The following MAEA variants were observed in gnomAD, a reference collection of about 807,000 sequenced individuals.
The protein encoded by MAEA is E3 ubiquitin-protein transferase MAEA.
In MAEA, 22 loss-of-function variants were observed where a neutral mutation model predicts 46.2. That is an observed-to-expected ratio of 0.48 (90% CI 0.34 to 0.68). MAEA has a LOEUF of 0.68. Among genes scored for constraint, MAEA ranks in the 30% least tolerant of loss-of-function variants. The probability of loss-of-function intolerance (pLI) is 0.01; values close to 1 mark genes in which losing one functional copy is unlikely to be tolerated. For missense variants in MAEA, 393 were observed against 558.1 expected (o/e 0.70, Z 2.98); for synonymous variants, 246 against 222.6 (o/e 1.11, Z -0.94).
intron 5 of MAEA, chr4:1,329,679 C>G: frequency 2.0e-6 from 2 of 985,596 alleles, no homozygotes; most frequent in Non-Finnish European, 2.4e-6. Flanking sequence ...GAGCCACCCA[C>G]AAGGCACACG....
chr4:1,334,007 C>CAT (rs529114969), intron 6 of MAEA, among the ~76,000 whole-genome samples: 1 of 39,130 alleles, frequency 2.6e-5, no homozygotes. Context: ...CCATGCCTAC[C>CAT]GTGCTCACCC....
At chr4:1,300,239 G>C (rs1022936241) in intron 1 of MAEA, among the ~76,000 whole-genome samples, 10 of 152,234 alleles carry the variant, frequency 6.6e-5, no homozygotes, top group Non-Finnish European at 1.2e-4. Context: ...CCCGAAGGAA[G>C]ATTGGCACTA....
Position 1,336,874 on chromosome 4 carries a change from C to T in MAEA, c.779C>T (p.Pro260Leu), listed in dbSNP as rs1712836452. The T allele has an allele frequency of 6.2e-7, 1 of 1,613,796 alleles. No individual in the cohort carries two copies. Among genetic ancestry groups the T allele is most frequent in the Admixed American group, 1.7e-5 (1 of 59,992 alleles). The change falls in exon 7 of 9, where the codon CCT becomes CTT. Residue 260 changes from proline to leucine, a missense_variant. Around this residue, in one of 2 missense-constraint regions of MAEA, gnomAD observed 358 missense variants for 537.9 expected, o/e 0.67. Coordinates refer to ENST00000303400, the MANE Select transcript of MAEA (RefSeq NM_001017405.3). ...TCTGTCTTCCAGGACCTTCTGGACC[C>T]TGCACGGTGGCGGATGCTGATCCAG... ...HISPYKDLLD[P>L]ARWRMLIQQF...
At chr4:1,296,648 C>T (rs1456630995) in intron 1 of MAEA, among the ~76,000 whole-genome samples, 1 of 151,608 alleles carries the variant, frequency 6.6e-6, no homozygotes, top group African/African-American at 2.4e-5. Context: ...TCCTTGCCCC[C>T]GTCCTCCTCC....
In MAEA at chr4:1,302,722, C is replaced by T. The variant is rs577301830; in HGVS notation, c.70-9257C>T. Among the ~76,000 whole-genome samples the T allele has an allele frequency of 5.9e-5, 9 of 152,274 alleles. No homozygotes were observed. In the South Asian group the frequency reaches 1.0e-3, roughly 18 times the overall value. ...GTCTCGATCTCCTGACCTCGTGATC[C>T]GCCCGCCTCAGCCTCCCAAAGTGCT... is the stretch of plus-strand genomic sequence containing the variant. On this transcript the variant is annotated intron_variant, in intron 1 of 8. Transcript: ENST00000303400.
Position 1,339,091 on chromosome 4 carries a change from T to A in MAEA, c.1113T>A (p.Arg371=), listed in dbSNP as rs773214104. 1 of 1,613,878 alleles carries A rather than the reference T, an allele frequency of 6.2e-7. No homozygotes were observed. Among genetic ancestry groups the A allele is most frequent in the African/African-American group, 1.3e-5 (1 of 75,032 alleles). The change falls in exon 9 of 9, where the codon CGT becomes CGA. Residue 371 remains arginine, a synonymous_variant. Coordinates refer to ENST00000303400, the MANE Select transcript of MAEA (RefSeq NM_001017405.3). ...TTTTTCAGTCTCTGCTTTCTATCCG[T>A]CAAGATGATAAAGTCGTGTGCCCGA... The part of the protein sequence containing the change: ...VYGYNSLLSI[R]QDDKVVCPRT...
In MAEA at chr4:1,311,457, A is replaced by G. The variant is rs2108905988; in HGVS notation, c.70-522A>G. Among the ~76,000 whole-genome samples, 1 of 152,340 alleles carries G rather than the reference A, an allele frequency of 6.6e-6. No homozygotes were observed. Among genetic ancestry groups the G allele is most frequent in the East Asian group, 1.9e-4 (1 of 5,176 alleles). On this transcript the variant is annotated intron_variant, in intron 1 of 8. Transcript: ENST00000303400. This position sits in a 1 kb window ranked among gnomAD's most constrained non-coding sequence, Gnocchi z 4.4. ...CTGGGGAAGGCAAACGCTGTCACAC[A>G]GGAGAGGTGTGGGTCGTGCACTTGT...
At chr4:1,339,002 G>T in intron 8 of MAEA, 72 bp from the exon 9 acceptor site, 1 of 1,239,628 alleles carries the variant, frequency 8.1e-7, no homozygotes, top group Non-Finnish European at 1.2e-6. Context: ...GTTCATTGTG[G>T]GGATTTTCCA....
intron 4 of MAEA, among the ~76,000 whole-genome samples, chr4:1,326,690 C>T (rs1417869590): frequency 6.6e-6 from 1 of 151,764 alleles, no homozygotes; most frequent in African/African-American, 2.4e-5. Flanking sequence ...TCTCCGTCTT[C>T]TACACATCCT....
At position 1,339,216 on chromosome 4, in the gene MAEA, G is replaced by A. The variant is rs1243375438; in HGVS notation, c.*47G>A. The A allele has an allele frequency of 3.0e-5, 44 of 1,445,508 alleles. No homozygotes were observed. Among genetic ancestry groups the A allele is most frequent in the Middle Eastern group, 1.7e-4 (1 of 5,752 alleles). 89.5% of individuals were successfully genotyped at this position (1,445,508 alleles called of 1,614,324 possible). A position where few individuals can be genotyped will look rare whatever the true frequency, so the allele number is the denominator to read the frequency against. ...GCCTCGGGGACGGGCTGCAGTGGGC[G>A]GGGAGGCCACGCCTTCCTCCTGTCC... On this transcript the variant is annotated 3_prime_UTR_variant, in exon 9 of 9. Transcript: ENST00000303400.
chr4:1,307,341 A>T (rs763652136), intron 1 of MAEA, among the ~76,000 whole-genome samples: 3 of 152,136 alleles, frequency 2.0e-5, no homozygotes, highest in Admixed American at 1.3e-4. Flanking sequence ...AGCCCCTGGG[A>T]TCCACCATTC....
rs760843303 is a variant in MAEA, at chr4:1,339,498, T to C, written c.*329T>C. ...ACGTTTAAAATATAGGAGTCCGTGATTTCCCTGTGTTTTCAGTTTCTTTCC... is the reference window on the plus strand; with the variant it reads ...ACGTTTAAAATATAGGAGTCCGTGACTTCCCTGTGTTTTCAGTTTCTTTCC... On this transcript the variant is annotated 3_prime_UTR_variant, in exon 9 of 9. Coordinates refer to ENST00000303400, the MANE Select transcript of MAEA (RefSeq NM_001017405.3). 9.6e-6 allele frequency: 3 copies of C among 313,998 alleles called. No individual in the cohort carries two copies. Among genetic ancestry groups the C allele is most frequent in the Non-Finnish European group, 1.2e-5 (2 of 166,902 alleles). 19.5% of individuals were successfully genotyped at this position (313,998 alleles called of 1,614,324 possible).
In MAEA at chr4:1,339,100, T is replaced by C. The variant is rs1713195944; in HGVS notation, c.1122T>C (p.Asp374=). ...CTCTGCTTTCTATCCGTCAAGATGA[T>C]AAAGTCGTGTGCCCGAGAACCAAAG... ...YNSLLSIRQD[D]KVVCPRTKEV... Residue 374 remains aspartate (D), a synonymous_variant, in exon 9 of 9, where the codon GAT becomes GAC. Transcript: ENST00000303400. 1 of 1,613,864 alleles carries C rather than the reference T, an allele frequency of 6.2e-7. No individual in the cohort carries two copies. Among genetic ancestry groups the C allele is most frequent in the South Asian group, 1.1e-5 (1 of 91,092 alleles).
At chr4:1,327,833 C>A (rs1739047002) in intron 5 of MAEA, 130 bp downstream of exon 5, 2 of 688,930 alleles carry the variant, frequency 2.9e-6, no homozygotes, top group Non-Finnish European at 2.5e-6. Context: ...TGAGTCTGAC[C>A]CCTGCCTGCT....
chr4:1,319,724 A>T (rs1413361770), intron 3 of MAEA, among the ~76,000 whole-genome samples: 1 of 49,962 alleles, frequency 2.0e-5, no homozygotes, highest in Admixed American at 2.4e-4. Flanking sequence ...TGGACAAGAG[A>T]GCGAGACCCT....
intron 1 of MAEA, among the ~76,000 whole-genome samples, chr4:1,303,882 G>A (rs916360493): frequency 1.4e-5 from 2 of 141,290 alleles, no homozygotes; most frequent in African/African-American, 5.8e-5. Context: ...TGCCGGCAGG[G>A]CAGGGGGGTC....
chr4:1,292,446 G>A (rs917311386), intron 1 of MAEA, among the ~76,000 whole-genome samples: 1 of 152,126 alleles, frequency 6.6e-6, no homozygotes, highest in African/African-American at 2.4e-5. Flanking sequence ...TGGAACAGAC[G>A]TGAATTGCTG....
chr4:1,310,148 A>C (rs1216412599), intron 1 of MAEA, among the ~76,000 whole-genome samples: 1 of 151,948 alleles, frequency 6.6e-6, no homozygotes, highest in Admixed American at 6.5e-5. Flanking sequence ...GTCCTTTAGA[A>C]ATTCCACCTC....
Position 1,339,226 on chromosome 4 carries a change from C to T in MAEA, c.*57C>T, listed in dbSNP as rs1048717651. On this transcript the variant is annotated 3_prime_UTR_variant, in exon 9 of 9. Coordinates refer to ENST00000303400, the MANE Select transcript of MAEA (RefSeq NM_001017405.3). ...CGGGCTGCAGTGGGCGGGGAGGCCA[C>T]GCCTTCCTCCTGTCCCACGCTCCAG... The T allele has an allele frequency of 2.9e-5, 37 of 1,291,396 alleles. No individual in the cohort carries two copies. Among genetic ancestry groups the T allele is most frequent in the African/African-American group, 1.3e-4 (9 of 68,660 alleles). 80.0% of individuals were successfully genotyped at this position (1,291,396 alleles called of 1,614,324 possible).
Sources: gnomAD v4.1 joint callset for allele counts (sites outside exome capture counted in the v4.1 genomes callset) on GRCh38, gnomAD v4.1.1 for gene constraint, gnomAD v4.1.1 regional missense constraint, Gnocchi (gnomAD v3.1) non-coding constraint, MANE v1.5 for transcripts, NCBI Gene and HGNC (gene_info 2026-07-23, HGNC 2026-07-21) for gene names.